TMEM26: variants seen among roughly 807,000 people sequenced by gnomAD.
The protein encoded by TMEM26 is transmembrane protein 26.
Under a neutral mutation model 28.8 loss-of-function variants are expected in TMEM26, and 38 were observed. The observed-to-expected ratio is 1.32, with a 90% CI of 1.02 to 1.73. TMEM26 has a LOEUF of 1.73. TMEM26 is among the 40% of genes most tolerant of loss of function. The probability of loss-of-function intolerance (pLI) is 0.00; values close to 1 mark genes in which losing one functional copy is unlikely to be tolerated. For missense variants in TMEM26, 518 were observed against 447.1 expected (o/e 1.16, Z -1.43); for synonymous variants, 227 against 182.9 (o/e 1.24, Z -1.95).
At chr10:61,449,181 A>AT (rs1355658343) in intron 1 of TMEM26, among the ~76,000 whole-genome samples, 2 of 151,960 alleles carry the variant, frequency 1.3e-5, no homozygotes, top group South Asian at 2.1e-4. Flanking sequence ...AGGAGTACAT[A>AT]TTTTTTTTAG....
At chr10:61,414,982 C>T (rs1839627351) in intron 4 of TMEM26, 1 of 985,176 alleles carries the variant, frequency 1.0e-6, no homozygotes, top group Non-Finnish European at 1.2e-6. Context: ...CACAGGGGGA[C>T]TCTCCAATGG....
intron 4 of TMEM26, among the ~76,000 whole-genome samples, chr10:61,425,197 T>C (rs1186350145): frequency 2.0e-5 from 3 of 152,110 alleles, no homozygotes; most frequent in African/African-American, 7.2e-5. Context: ...TATCAGATTT[T>C]GTGAGACTCA....
chr10:61,415,825 G>C (rs1839642678), intron 4 of TMEM26, among the ~76,000 whole-genome samples: 1 of 152,032 alleles, frequency 6.6e-6, no homozygotes, highest in South Asian at 2.1e-4. Flanking sequence ...GGGAGAACTA[G>C]AGTGCTAAAG....
intron 2 of TMEM26, among the ~76,000 whole-genome samples, chr10:61,432,515 C>G (rs1350689753): frequency 6.6e-6 from 1 of 152,042 alleles, no homozygotes; most frequent in Non-Finnish European, 1.5e-5. Context: ...ATTTTACAAA[C>G]TGGTTTAAAA....
chr10:61,439,114 T>C (rs1840051959), intron 1 of TMEM26, among the ~76,000 whole-genome samples: 1 of 152,184 alleles, frequency 6.6e-6, no homozygotes, highest in African/African-American at 2.4e-5. Context: ...TCTCCCAAAA[T>C]TATGAAAGCT....
rs1308450228 is a variant in TMEM26 at position 61,410,831 on chromosome 10, T to C, written c.683-85A>G. ...TGCCATGGGGACGAGTCATTAACAA[T>C]GGGGACTGTGCTAGTAATAATTCTG... On this transcript the variant is annotated intron_variant, in intron 5 of 5. Transcript: ENST00000399298. 1.4e-5 allele frequency: 18 copies of C among 1,271,530 alleles called. No individual in the cohort carries two copies. In the East Asian group the frequency reaches 4.0e-4, roughly 28 times the overall value. 78.8% of individuals were successfully genotyped at this position (1,271,530 alleles called of 1,614,324 possible). A position where few individuals can be genotyped will look rare whatever the true frequency, so the allele number is the denominator to read the frequency against.
intron 4 of TMEM26, among the ~76,000 whole-genome samples, chr10:61,419,460 T>A (rs575854251): frequency 1.4e-4 from 21 of 152,088 alleles, no homozygotes; most frequent in African/African-American, 5.1e-4. Context: ...AATAAGTGAG[T>A]AAATAAAGAT....
intron 1 of TMEM26, among the ~76,000 whole-genome samples, chr10:61,446,893 C>A (rs1410294156): frequency 2.1e-5 from 2 of 96,210 alleles, no homozygotes; most frequent in Non-Finnish European, 4.4e-5. Flanking sequence ...GACACAGAAA[C>A]ACAGAAACAC....
At chr10:61,426,873 T>C (rs1839841997) in intron 4 of TMEM26, among the ~76,000 whole-genome samples, 1 of 152,052 alleles carries the variant, frequency 6.6e-6, no homozygotes, top group Non-Finnish European at 1.5e-5. Context: ...TGTCTATTCT[T>C]GCAGTATAGG....
At chr10:61,427,725 T>C (rs1275438946) in intron 4 of TMEM26, among the ~76,000 whole-genome samples, 1 of 152,138 alleles carries the variant, frequency 6.6e-6, no homozygotes, top group Non-Finnish European at 1.5e-5. Flanking sequence ...CTAAATGTTT[T>C]GCATGTGCAT....
At chr10:61,445,592 T>C (rs1840166770) in intron 1 of TMEM26, among the ~76,000 whole-genome samples, 2 of 152,318 alleles carry the variant, frequency 1.3e-5, no homozygotes, top group African/African-American at 2.4e-5. Context: ...CACCCTGGCA[T>C]GTTACATTAA....
intron 1 of TMEM26, among the ~76,000 whole-genome samples, chr10:61,437,147 T>C (rs1840021205): frequency 6.6e-6 from 1 of 152,228 alleles, no homozygotes; most frequent in Non-Finnish European, 1.5e-5. Flanking sequence ...GCCTTCTCCA[T>C]GTGTCCTCAG....
chr10:61,416,349 T>C (rs1251320095), intron 4 of TMEM26, among the ~76,000 whole-genome samples: 1 of 152,064 alleles, frequency 6.6e-6, no homozygotes, highest in African/African-American at 2.4e-5. Flanking sequence ...ACTAAAGAAA[T>C]AGGATGTGAG....
chr10:61,415,077 C>T (rs1227928480), intron 4 of TMEM26: 2 of 985,126 alleles, frequency 2.0e-6, no homozygotes, highest in Admixed American at 6.2e-5. Flanking sequence ...TTCTCACATG[C>T]ACATATGGCA....
At chr10:61,438,168 C>T (rs1318375417) in intron 1 of TMEM26, among the ~76,000 whole-genome samples, 1 of 152,126 alleles carries the variant, frequency 6.6e-6, no homozygotes, top group Non-Finnish European at 1.5e-5. Flanking sequence ...TACTCCCCCA[C>T]CTTTGATTTC....
intron 1 of TMEM26, among the ~76,000 whole-genome samples, chr10:61,439,827 C>G (rs1309706164): frequency 6.6e-6 from 1 of 152,188 alleles, no homozygotes; most frequent in African/African-American, 2.4e-5. Flanking sequence ...AAAATGTACT[C>G]ACAGCTACAT....
chr10:61,444,751 A>G (rs1035291187), intron 1 of TMEM26, among the ~76,000 whole-genome samples: 3 of 152,102 alleles, frequency 2.0e-5, no homozygotes, highest in Non-Finnish European at 2.9e-5. Context: ...GTTACTGTAT[A>G]CAAAACATAA....
intron 1 of TMEM26, among the ~76,000 whole-genome samples, chr10:61,448,399 G>A (rs1354893433): frequency 6.6e-6 from 1 of 152,198 alleles, no homozygotes; most frequent in African/African-American, 2.4e-5. Flanking sequence ...TAATAACTCT[G>A]TGCCTCAGTT....
chr10:61,410,574 C>A lies in TMEM26; in HGVS notation c.855G>T (p.Met285Ile). The A allele has an allele frequency of 6.2e-7, 1 of 1,614,134 alleles. No individual in the cohort carries two copies. Among genetic ancestry groups the A allele is most frequent in the African/African-American group, 1.3e-5 (1 of 75,034 alleles). Residue 285 changes from methionine (M) to isoleucine (I), a missense_variant, in exon 6 of 6, where the codon ATG (methionine) becomes ATT (isoleucine). By Grantham distance (10) the Met-to-Ile change is conservative. Transcript: ENST00000399298. ...AGTTCTTCGCGGCAAAGAACACCAGCATCTGATTGATCACTTTGAAATAGG... is the reference window on the plus strand; with the variant it reads ...AGTTCTTCGCGGCAAAGAACACCAGAATCTGATTGATCACTTTGAAATAGG... Reference protein sequence around the residue: ...LMTYFKVINQMLVFFAAKNFL... With the variant: ...LMTYFKVINQILVFFAAKNFL...
Sources: allele counts gnomAD v4.1 joint callset (sites outside exome capture counted in the v4.1 genomes callset), GRCh38; gene constraint gnomAD v4.1.1; transcripts MANE v1.5; gene names NCBI Gene and HGNC (gene_info 2026-07-23, HGNC 2026-07-21).